ABHD3: variants seen among roughly 807,000 people sequenced by gnomAD.
The protein encoded by ABHD3 is phospholipase ABHD3.
In ABHD3, 46 loss-of-function variants were observed where a neutral mutation model predicts 48.8. That is an observed-to-expected ratio of 0.94 (90% confidence interval 0.74 to 1.20). ABHD3 has a LOEUF of 1.20. Ranked by LOEUF, ABHD3 falls within the 50% of genes most tolerant of loss-of-function variation. The probability of loss-of-function intolerance (pLI) is 0.00; values close to 1 mark genes in which losing one functional copy is unlikely to be tolerated. For missense variants in ABHD3, 490 were observed against 497.8 expected (o/e 0.98, Z 0.15); for synonymous variants, 192 against 183.7 (o/e 1.04, Z -0.36).
rs138319027 is a variant in ABHD3, at chr18:21,669,121, T to C, written c.556-4891A>G. ...AAAATTAGCCAGGTGTGGTGGAGGA[T>C]CACCTGAGACTGGGAGGTAGAGGCT... On this transcript the variant is annotated intron_variant, in intron 4 of 8. Transcript: ENST00000289119. Among the ~76,000 whole-genome samples the C allele has an allele frequency of 2.2e-3, 339 of 152,092 alleles. 2 individuals carry two copies. The highest frequency in any genetic ancestry group is 4.0e-3 in the South Asian group (19 of 4,810).
At chr18:21,692,528 A>T (rs570043466) in intron 3 of ABHD3, among the ~76,000 whole-genome samples, 3 of 101,618 alleles carry the variant, frequency 3.0e-5, no homozygotes, top group South Asian at 8.5e-4. Flanking sequence ...GAATTTTTTT[A>T]AAAAAAGAAT....
intron 4 of ABHD3, among the ~76,000 whole-genome samples, chr18:21,678,651 G>A (rs1365528188): frequency 6.6e-6 from 1 of 151,968 alleles, no homozygotes; most frequent in Non-Finnish European, 1.5e-5. Context: ...AGTTTACAAA[G>A]TAATCAACAA....
At chr18:21,674,770 C>G (rs2039839279) in intron 4 of ABHD3, among the ~76,000 whole-genome samples, 1 of 152,134 alleles carries the variant, frequency 6.6e-6, no homozygotes, top group Non-Finnish European at 1.5e-5. Context: ...GGAGGTACTG[C>G]ATGTGAGAAA....
chr18:21,658,970 C>G (rs1320705711), intron 6 of ABHD3, among the ~76,000 whole-genome samples, 200 bp downstream of exon 6: 2 of 151,964 alleles, frequency 1.3e-5, no homozygotes, highest in Admixed American at 6.6e-5. Flanking sequence ...TCCTAAGTAG[C>G]TGGGACTACA....
chr18:21,700,560 G>A (rs1164872366), intron 3 of ABHD3, among the ~76,000 whole-genome samples: 1 of 151,700 alleles, frequency 6.6e-6, no homozygotes, highest in East Asian at 1.9e-4. Flanking sequence ...CATCACACCT[G>A]GCTAATTTTT....
intron 4 of ABHD3, among the ~76,000 whole-genome samples, chr18:21,677,259 A>G (rs1169054339): frequency 1.3e-5 from 2 of 152,084 alleles, no homozygotes; most frequent in African/African-American, 4.8e-5. Flanking sequence ...CAGTGGCACA[A>G]TCTTGGCTCA....
intron 3 of ABHD3, among the ~76,000 whole-genome samples, chr18:21,698,801 C>G (rs542298498): frequency 2.6e-4 from 39 of 152,164 alleles, no homozygotes; most frequent in African/African-American, 9.2e-4. Flanking sequence ...GGCTGGTCTT[C>G]AACTCCTGAC....
chr18:21,663,818 C>T, intron 5 of ABHD3: 1 of 1,530,214 alleles, frequency 6.5e-7, no homozygotes, highest in Non-Finnish European at 8.7e-7. Flanking sequence ...CGTCAGGAAT[C>T]AGAAGGTCAA....
intron 4 of ABHD3, chr18:21,682,684 A>G (rs530685762): frequency 2.7e-4 from 41 of 152,366 alleles, no homozygotes; most frequent in African/African-American, 9.9e-4. Context: ...ATAAAGAACT[A>G]ACGAGCTTGG....
intron 5 of ABHD3, among the ~76,000 whole-genome samples, chr18:21,660,846 G>A (rs2039476359): frequency 6.6e-6 from 1 of 152,074 alleles, no homozygotes; most frequent in African/African-American, 2.4e-5. Flanking sequence ...TCATTCTAGA[G>A]TCCTAGTTTT....
rs747722935 is a variant in ABHD3, at chr18:21,659,360, C to T, written c.669-17G>A. The T allele has an allele frequency of 6.9e-6, 11 of 1,595,726 alleles. No homozygotes were observed. In the Admixed American group the frequency reaches 1.1e-4, roughly 16 times the overall value. On this transcript the variant is annotated splice_polypyrimidine_tract_variant and intron_variant, in intron 5 of 8. Coordinates refer to ENST00000289119, the MANE Select transcript of ABHD3 (RefSeq NM_138340.5). Reference sequence around the variant, plus strand: ...AGCAGCATTCTAAAATGGGGAGAAACAGGAAACTCAGTGATTAATTTGTTG... The same window carrying T: ...AGCAGCATTCTAAAATGGGGAGAAATAGGAAACTCAGTGATTAATTTGTTG...
At chr18:21,699,684 G>T (rs1017285889) in intron 3 of ABHD3, among the ~76,000 whole-genome samples, 1 of 152,098 alleles carries the variant, frequency 6.6e-6, no homozygotes, top group Non-Finnish European at 1.5e-5. Context: ...TTGTAATTTT[G>T]TGTGTGTGTC....
In ABHD3 at chr18:21,692,316, A is replaced by G. The variant is rs185848053; in HGVS notation, c.510-8351T>C. On this transcript the variant is annotated intron_variant, in intron 3 of 8. Transcript: ENST00000289119. ...GATCAAATTACTAACTTTTGTTAGT[A>G]ATTTCTGCTTTTTGTTTGGTAAAAT... 7.2e-5 allele frequency among the ~76,000 whole-genome samples: 11 copies of G among 152,278 alleles called. No homozygotes were observed. In the East Asian group the frequency reaches 2.1e-3, roughly 29 times the overall value.
intron 4 of ABHD3, among the ~76,000 whole-genome samples, chr18:21,665,772 A>G (rs1174025453): frequency 6.6e-6 from 1 of 151,220 alleles, no homozygotes; most frequent in East Asian, 2.0e-4. Flanking sequence ...AGATCACGCC[A>G]CTGCACTCCA....
At chr18:21,702,810 G>T (rs2040542359) in intron 2 of ABHD3, among the ~76,000 whole-genome samples, 1 of 152,170 alleles carries the variant, frequency 6.6e-6, no homozygotes, top group Non-Finnish European at 1.5e-5. Context: ...TTTGATTGAG[G>T]TCACTCAACT....
At chr18:21,700,827 C>CAAAAAAAAAAAAAAAAAA (rs375239917) in intron 3 of ABHD3, among the ~76,000 whole-genome samples, 1 of 94,376 alleles carries the variant, frequency 1.1e-5, no homozygotes, top group African/African-American at 3.5e-5. Context: ...AAGTTTTAGC[C>CAAAAAAAAAAAAAAAAAA]AAAAAAAAAA....
At chr18:21,692,939 A>G (rs2040285755) in intron 3 of ABHD3, among the ~76,000 whole-genome samples, 1 of 152,208 alleles carries the variant, frequency 6.6e-6, no homozygotes, top group African/African-American at 2.4e-5. Context: ...GCTGGAAACT[A>G]TATTACCCAA....
intron 4 of ABHD3, chr18:21,682,710 T>C (rs1382433596): frequency 6.6e-6 from 1 of 152,270 alleles, no homozygotes; most frequent in African/African-American, 2.4e-5. Flanking sequence ...CAGCACATTA[T>C]TTCCTTGAGA....
intron 3 of ABHD3, among the ~76,000 whole-genome samples, chr18:21,688,150 C>A (rs552120137): frequency 1.4e-3 from 215 of 152,178 alleles, no homozygotes; most frequent in African/African-American, 5.1e-3. Context: ...ACAAAAACAA[C>A]AAAAAAAGTA....
Sources: gnomAD v4.1 joint callset for allele counts (sites outside exome capture counted in the v4.1 genomes callset) on GRCh38, gnomAD v4.1.1 for gene constraint, MANE v1.5 for transcripts, NCBI Gene and HGNC (gene_info 2026-07-23, HGNC 2026-07-21) for gene names.